GPC6: variants seen among roughly 807,000 people sequenced by gnomAD.
GPC6 encodes glypican-6.
Under a neutral mutation model 55.2 loss-of-function variants are expected in GPC6, and 14 were observed. The observed-to-expected ratio is 0.25, with a 90% CI of 0.17 to 0.40. The LOEUF (loss-of-function observed/expected upper bound fraction) is 0.40. GPC6 is among the 10% of genes least tolerant of loss of function. The probability of loss-of-function intolerance (pLI) is 1.00; values close to 1 mark genes in which losing one functional copy is unlikely to be tolerated. For missense variants in GPC6, 641 were observed against 708.5 expected (o/e 0.90, Z 1.08); for synonymous variants, 278 against 259.6 (o/e 1.07, Z -0.68).
chr13:93,244,173 C>T (rs1349420247), intron 1 of GPC6, among the ~76,000 whole-genome samples: 1 of 152,162 alleles, frequency 6.6e-6, no homozygotes, highest in East Asian at 1.9e-4. Context: ...AAAGAGTCCA[C>T]GCTGGGAGCC....
chr13:93,494,452 A>G (rs1880170013), intron 1 of GPC6, among the ~76,000 whole-genome samples: 1 of 151,970 alleles, frequency 6.6e-6, no homozygotes, highest in Non-Finnish European at 1.5e-5. Flanking sequence ...AATACAGCAC[A>G]CTGATGGGTC....
intron 4 of GPC6, among the ~76,000 whole-genome samples, chr13:94,283,675 A>T (rs1892450740): frequency 1.3e-5 from 2 of 152,238 alleles, no homozygotes; most frequent in Non-Finnish European, 2.9e-5. Flanking sequence ...CAAAAATTAC[A>T]TACTGCTTTA....
intron 3 of GPC6, among the ~76,000 whole-genome samples, chr13:93,976,322 C>CTT (rs144057109): frequency 0.23 from 35,203 of 151,714 alleles, 4,638 homozygotes; most frequent in East Asian, 0.39. Flanking sequence ...TTAAAGTAGA[C>CTT]TTATTGGTTT....
At chr13:94,076,904 G>C (rs1047435736) in intron 4 of GPC6, among the ~76,000 whole-genome samples, 6 of 150,388 alleles carry the variant, frequency 4.0e-5, no homozygotes, top group South Asian at 2.1e-4. Context: ...TTTGAAGTTA[G>C]GAAGTGTGAT....
At chr13:93,229,015 G>A (rs549004479) in intron 1 of GPC6, among the ~76,000 whole-genome samples, 54 of 152,282 alleles carry the variant, frequency 3.5e-4, no homozygotes, top group African/African-American at 1.3e-3. Flanking sequence ...AGCTTTTTCA[G>A]TTCAGAGCCA....
At chr13:93,315,801 G>A (rs914287150) in intron 1 of GPC6, among the ~76,000 whole-genome samples, 5 of 151,762 alleles carry the variant, frequency 3.3e-5, no homozygotes, top group African/African-American at 1.2e-4. Context: ...TACTAAGAGA[G>A]AGTGAGTGGG....
intron 3 of GPC6, among the ~76,000 whole-genome samples, chr13:93,863,151 T>A (rs1001094023): frequency 1.3e-5 from 2 of 151,736 alleles, no homozygotes; most frequent in African/African-American, 4.8e-5. Flanking sequence ...GCTTTTCTTT[T>A]CAAATTAATT....
chr13:93,617,834 A>G (rs576192891), intron 2 of GPC6, among the ~76,000 whole-genome samples: 38 of 151,988 alleles, frequency 2.5e-4, no homozygotes, highest in African/African-American at 8.7e-4. Context: ...TGCCTTAATA[A>G]TTTATACTTC....
At chr13:94,288,790 TAA>T (rs1270020912) in intron 5 of GPC6, among the ~76,000 whole-genome samples, 3 of 52,860 alleles carry the variant, frequency 5.7e-5, no homozygotes, top group South Asian at 5.7e-4. Context: ...ATATATATAA[TAA>T]ATATATATAT....
At chr13:93,891,801 A>AT (rs1286633751) in intron 3 of GPC6, among the ~76,000 whole-genome samples, 1 of 151,942 alleles carries the variant, frequency 6.6e-6, no homozygotes, top group African/African-American at 2.4e-5. Flanking sequence ...AAGTATAGAG[A>AT]TGGCTTAGTA....
chr13:94,293,322 G>C (rs757726791), intron 5 of GPC6, among the ~76,000 whole-genome samples: 1 of 152,104 alleles, frequency 6.6e-6, no homozygotes, highest in African/African-American at 2.4e-5. Flanking sequence ...TGGATTACGG[G>C]GGCAGTTTTC....
chr13:94,039,051 G>A (rs1341012851), intron 4 of GPC6, among the ~76,000 whole-genome samples: 2 of 151,930 alleles, frequency 1.3e-5, no homozygotes, highest in East Asian at 1.9e-4. Context: ...TAAGTGCTTG[G>A]TGACACCAGG....
intron 1 of GPC6, among the ~76,000 whole-genome samples, chr13:93,444,753 T>C (rs926502541): frequency 6.6e-6 from 1 of 152,356 alleles, no homozygotes; most frequent in East Asian, 1.9e-4. Flanking sequence ...GAATATCACA[T>C]TGTGGTTCTG....
chr13:94,265,484 A>G (rs866319205), intron 4 of GPC6, among the ~76,000 whole-genome samples: 1 of 152,122 alleles, frequency 6.6e-6, no homozygotes, highest in South Asian at 2.1e-4. Context: ...GTGCCCACCC[A>G]GATTAAGGGT....
chr13:93,331,382 G>A (rs931141252), intron 1 of GPC6, among the ~76,000 whole-genome samples: 20 of 151,956 alleles, frequency 1.3e-4, no homozygotes, highest in African/African-American at 4.1e-4. Flanking sequence ...TTCTAGATAC[G>A]TGTTTTTAAA....
chr13:93,554,612 A>G (rs1270876638), intron 2 of GPC6, among the ~76,000 whole-genome samples: 4 of 152,248 alleles, frequency 2.6e-5, no homozygotes, highest in African/African-American at 7.2e-5. Flanking sequence ...TAACATTTCC[A>G]TATCATTCAG....
At chr13:93,451,940 A>C (rs576707159) in intron 1 of GPC6, among the ~76,000 whole-genome samples, 70 of 152,174 alleles carry the variant, frequency 4.6e-4, no homozygotes, top group Non-Finnish European at 7.5e-4. Context: ...GGTGGAAGAA[A>C]AAATTGAGAT....
chr13:93,679,550 A>G (rs1475134904), intron 2 of GPC6, among the ~76,000 whole-genome samples: 2 of 152,182 alleles, frequency 1.3e-5, no homozygotes, highest in East Asian at 1.9e-4. Flanking sequence ...TCTAAAGGTC[A>G]TCTTGTTATC....
At chr13:94,239,548 T>A (rs1033978715) in intron 4 of GPC6, among the ~76,000 whole-genome samples, 2 of 152,260 alleles carry the variant, frequency 1.3e-5, no homozygotes, top group African/African-American at 2.4e-5. Flanking sequence ...TTTTAAAAAA[T>A]TTCTCATTTT....
Sources: gnomAD v4.1 joint callset for allele counts (sites outside exome capture counted in the v4.1 genomes callset) on GRCh38, gnomAD v4.1.1 for gene constraint, MANE v1.5 for transcripts, NCBI Gene and HGNC (gene_info 2026-07-23, HGNC 2026-07-21) for gene names.